Variants in MSI2 observed in about 807,000 individuals in gnomAD.
MSI2 encodes the protein musashi RNA binding protein 2.
Under a neutral mutation model 45.6 loss-of-function variants are expected in MSI2, and 17 were observed. The ratio of observed to expected loss-of-function variants is 0.37; its 90% CI spans 0.26 to 0.56. The LOEUF is 0.56. MSI2 is among the 20% of genes least tolerant of loss of function. MSI2 has a pLI of 0.77. For synonymous variants in MSI2, 156 were observed against 158.2 expected (o/e 0.99, Z 0.11); for missense variants, 293 against 444.2 (o/e 0.66, Z 3.06).
At chr17:57,579,102 T>C (rs1489867450) in intron 7 of MSI2, among the ~76,000 whole-genome samples, 2 of 152,224 alleles carry the variant, frequency 1.3e-5, no homozygotes, top group Non-Finnish European at 2.9e-5. Context: ...GCATATGGTA[T>C]GTGATTATCT....
At chr17:57,506,420 T>C (rs1265759630) in intron 6 of MSI2, among the ~76,000 whole-genome samples, 4 of 152,260 alleles carry the variant, frequency 2.6e-5, no homozygotes, top group African/African-American at 9.6e-5. Context: ...AGAGATGTGA[T>C]AAAGATGGCT....
chr17:57,667,772 G>C (rs1318623940), intron 11 of MSI2, among the ~76,000 whole-genome samples: 1 of 152,184 alleles, frequency 6.6e-6, no homozygotes, highest in Non-Finnish European at 1.5e-5. Flanking sequence ...TTTACACCAT[G>C]AGCAGACAGC....
chr17:57,354,279 G>A (rs141001985), intron 5 of MSI2, among the ~76,000 whole-genome samples: 1 of 152,284 alleles, frequency 6.6e-6, no homozygotes, highest in African/African-American at 2.4e-5. Context: ...GTTAGTTTTG[G>A]TGTGGAAAGT....
chr17:57,605,490 C>T (rs1906454986), intron 8 of MSI2, among the ~76,000 whole-genome samples: 2 of 152,160 alleles, frequency 1.3e-5, no homozygotes, highest in Non-Finnish European at 2.9e-5. Context: ...CTTTTCTGAA[C>T]GTGCTGCCAC....
At position 57,424,130 on chromosome 17, in the gene MSI2, G is replaced by A. The variant is rs1184253613; in HGVS notation, c.405+22659G>A. On this transcript the variant is annotated intron_variant, in intron 6 of 13. Transcript: ENST00000284073. ...GGGCAGCATGAACCCTGAACTCTCC[G>A]AATGTTCTCAGAGCTTGTTATTACC... is the stretch of plus-strand genomic sequence containing the variant. Among the ~76,000 whole-genome samples, 6 of 152,292 alleles carry A rather than the reference G, an allele frequency of 3.9e-5. No individual in the cohort carries two copies. The South Asian group carries it at 1.0e-3, about 26-fold the overall frequency.
intron 5 of MSI2, among the ~76,000 whole-genome samples, chr17:57,291,604 G>A (rs1472410134): frequency 6.6e-6 from 1 of 152,200 alleles, no homozygotes; most frequent in Non-Finnish European, 1.5e-5. Flanking sequence ...AGTACCATTA[G>A]GGGATGCTGA....
At chr17:57,418,417 T>C (rs1010016729) in intron 6 of MSI2, among the ~76,000 whole-genome samples, 4 of 152,212 alleles carry the variant, frequency 2.6e-5, no homozygotes. Flanking sequence ...CTCCAAGATA[T>C]TTGGAAAAAT....
At chr17:57,257,602 A>G in intron 3 of MSI2, 55 bp downstream of exon 3, 3 of 1,332,286 alleles carry the variant, frequency 2.3e-6, no homozygotes, top group Non-Finnish European at 3.2e-6. Flanking sequence ...TTTAAGTTTT[A>G]TTTTTGGAGG....
intron 6 of MSI2, among the ~76,000 whole-genome samples, chr17:57,439,832 C>T (rs1428640753): frequency 1.3e-5 from 2 of 152,050 alleles, no homozygotes; most frequent in Non-Finnish European, 2.9e-5. Context: ...GGATTCTTAG[C>T]GGATGGCCCG....
intron 6 of MSI2, among the ~76,000 whole-genome samples, chr17:57,412,427 G>T (rs1193494833): frequency 6.6e-6 from 1 of 152,126 alleles, no homozygotes; most frequent in Non-Finnish European, 1.5e-5. Context: ...TGTGATACTT[G>T]CAGACACTTC....
chr17:57,290,884 C>T (rs1910350697), intron 5 of MSI2, among the ~76,000 whole-genome samples: 2 of 152,230 alleles, frequency 1.3e-5, no homozygotes, highest in South Asian at 4.1e-4. Context: ...GGAGAAGTGT[C>T]TTCCACCTTG....
intron 6 of MSI2, among the ~76,000 whole-genome samples, chr17:57,488,460 C>T (rs1457495919): frequency 6.6e-6 from 1 of 152,102 alleles, no homozygotes; most frequent in African/African-American, 2.4e-5. Flanking sequence ...CTTGTTCTTC[C>T]CCTTAGTTTT....
chr17:57,580,583 G>A (rs201491870), intron 7 of MSI2, among the ~76,000 whole-genome samples: 1 of 152,220 alleles, frequency 6.6e-6, no homozygotes, highest in Non-Finnish European at 1.5e-5. Context: ...GAAAAATTGG[G>A]AGTGCCACCA....
At chr17:57,631,503 T>A (rs1909370539) in intron 10 of MSI2, 1 of 352,966 alleles carries the variant, frequency 2.8e-6, no homozygotes, top group Admixed American at 4.7e-5. Flanking sequence ...GTGCCCATCT[T>A]CAGAATTCTG....
At chr17:57,558,787 G>A (rs184392491) in intron 7 of MSI2, among the ~76,000 whole-genome samples, 17 of 152,340 alleles carry the variant, frequency 1.1e-4, no homozygotes, top group Non-Finnish European at 1.9e-4. Context: ...TCAGCCAAGC[G>A]CGGTGGCTCA....
Position 57,677,065 on chromosome 17 carries a change from A to T in MSI2, c.*31+6A>T. On this transcript the variant is annotated splice_donor_region_variant and intron_variant, in intron 13 of 13. Coordinates refer to ENST00000284073, the MANE Select transcript of MSI2 (RefSeq NM_138962.4). Reference sequence around the variant, plus strand: ...CGTTGCCATCTCACTCTGAGGTATTACCGTCTCTGCCATGTGTCTCTGCCC... The same window carrying T: ...CGTTGCCATCTCACTCTGAGGTATTTCCGTCTCTGCCATGTGTCTCTGCCC... 1 of 1,605,800 alleles carries T rather than the reference A, an allele frequency of 6.2e-7. No homozygotes were observed. Among genetic ancestry groups the T allele is most frequent in the Non-Finnish European group, 8.5e-7 (1 of 1,172,418 alleles).
intron 5 of MSI2, among the ~76,000 whole-genome samples, chr17:57,333,562 T>G (rs140587345): frequency 6.6e-6 from 1 of 151,930 alleles, no homozygotes; most frequent in Non-Finnish European, 1.5e-5. Context: ...ATCAGCCTCC[T>G]GAGCAGCTTG....
rs191001446 is a variant in MSI2 at position 57,541,969 on chromosome 17, C to T, written c.454+12245C>T. 4.6e-5 allele frequency among the ~76,000 whole-genome samples: 7 copies of T among 152,222 alleles called. No homozygotes were observed. The East Asian group carries it at 7.7e-4, about 17-fold the overall frequency. On this transcript the variant is annotated intron_variant, in intron 7 of 13. Coordinates refer to ENST00000284073, the MANE Select transcript of MSI2 (RefSeq NM_138962.4). Reference sequence around the variant, plus strand: ...GCCTCTGCACCAGATCTGCAATGTGCGTACGCAATGCTGACATCCGATTTA... The same window carrying T: ...GCCTCTGCACCAGATCTGCAATGTGTGTACGCAATGCTGACATCCGATTTA...
At chr17:57,380,795 C>G (rs1310322294) in intron 5 of MSI2, among the ~76,000 whole-genome samples, 2 of 152,316 alleles carry the variant, frequency 1.3e-5, no homozygotes, top group South Asian at 2.1e-4. Context: ...CTATACCTGA[C>G]ACCACCAGGT....
Sources: gnomAD v4.1 joint callset for allele counts (sites outside exome capture counted in the v4.1 genomes callset) on GRCh38, gnomAD v4.1.1 for gene constraint, MANE v1.5 for transcripts, NCBI Gene and HGNC (gene_info 2026-07-23, HGNC 2026-07-21) for gene names.